Variants in RCC2 observed in about 807,000 individuals in gnomAD.
The protein encoded by RCC2 is regulator of chromosome condensation 2.
Under a neutral mutation model 64.1 loss-of-function variants are expected in RCC2, and 19 were observed. That is an observed-to-expected ratio of 0.30 (90% CI 0.21 to 0.44). The LOEUF (loss-of-function observed/expected upper bound fraction) is 0.44. Ranked by LOEUF, RCC2 falls within the 20% of genes least tolerant of loss-of-function variation. The probability of loss-of-function intolerance (pLI) is 1.00; values close to 1 mark genes in which losing one functional copy is unlikely to be tolerated. For missense variants in RCC2, 508 were observed against 710.4 expected, an observed-to-expected ratio of 0.72 and a Z score of 3.24; for synonymous variants, 325 against 279.6, an observed-to-expected ratio of 1.16 and a Z score of -1.62.
intron 8 of RCC2, among the ~76,000 whole-genome samples, chr1:17,415,443 T>C (rs1259791247): frequency 2.0e-5 from 3 of 152,200 alleles, no homozygotes; most frequent in African/African-American, 7.2e-5. Flanking sequence ...CCGGGCGCGG[T>C]GGCTCACACC....
intron 2 of RCC2, among the ~76,000 whole-genome samples, chr1:17,433,331 C>G (rs1174623726): frequency 6.6e-6 from 1 of 152,236 alleles, no homozygotes; most frequent in Non-Finnish European, 1.5e-5. Context: ...CCCAGCACCC[C>G]TTCTCACTTA....
chr1:17,415,831 G>A (rs956613808), intron 8 of RCC2, among the ~76,000 whole-genome samples: 12 of 151,910 alleles, frequency 7.9e-5, no homozygotes, highest in African/African-American at 2.7e-4. Context: ...CACTTTGAGA[G>A]GCCGAGGTGG....
chr1:17,426,457 C>T (rs926829101), intron 3 of RCC2, among the ~76,000 whole-genome samples: 1 of 152,158 alleles, frequency 6.6e-6, no homozygotes, highest in African/African-American at 2.4e-5. Context: ...AGCACCAGTT[C>T]GCCTCCTTGG....
Position 17,406,821 on chromosome 1 carries a change from A to T in RCC2, c.*2269T>A, listed in dbSNP as rs1256572859. On this transcript the variant is annotated 3_prime_UTR_variant, in exon 13 of 13. Transcript: ENST00000375436. ...ACTCCAAGAAATATATATATAAAAA[A>T]AATAATAAGACAATTACAGCACTAA... 2 of 152,208 alleles carry T rather than the reference A, an allele frequency of 1.3e-5. No individual in the cohort carries two copies. Among genetic ancestry groups the T allele is most frequent in the Non-Finnish European group, 2.9e-5 (2 of 68,038 alleles). The allele number at this position is 152,208 out of a possible 1,614,324, so 9.4% of individuals were successfully genotyped here.
chr1:17,432,570 A>G (rs949256692), intron 2 of RCC2, among the ~76,000 whole-genome samples: 2 of 152,178 alleles, frequency 1.3e-5, no homozygotes, highest in Non-Finnish European at 2.9e-5. Flanking sequence ...CTGAGATGCA[A>G]CCACTGCAGC....
chr1:17,435,219 T>C lies in RCC2; in HGVS notation c.285+3011A>G, dbSNP rs546098873. Among the ~76,000 whole-genome samples the C allele has an allele frequency of 1.2e-4, 19 of 152,354 alleles. 1 individual carries two copies. The South Asian group carries it at 3.9e-3, about 32-fold the overall frequency. On this transcript the variant is annotated intron_variant, in intron 2 of 12. Coordinates refer to ENST00000375436, the MANE Select transcript of RCC2 (RefSeq NM_018715.4). The stretch of plus-strand genomic sequence containing the variant: ...AGGCAATGACAACGCTCATCTGCCA[T>C]AAGAATGTTCTATAAAATGCACATC...
rs534727702 is a variant in RCC2 at position 17,414,631 on chromosome 1, C to T, written c.1027-914G>A. 6.9e-4 allele frequency among the ~76,000 whole-genome samples: 104 copies of T among 151,146 alleles called. 1 individual carries two copies. In the South Asian group the frequency reaches 0.017, roughly 24 times the overall value. On this transcript the variant is annotated intron_variant, in intron 8 of 12. Coordinates refer to ENST00000375436, the MANE Select transcript of RCC2 (RefSeq NM_018715.4). ...AAGGCCTACCTGTTCCTGGATTTTT[C>T]GTTTCTTTTCCCCCCCTCGAGAGGG...
chr1:17,431,499 CAAAA>C (rs558362245), intron 2 of RCC2, among the ~76,000 whole-genome samples: 8 of 57,904 alleles, frequency 1.4e-4, no homozygotes, highest in African/African-American at 5.2e-4. Flanking sequence ...AGCCCTGTCT[CAAAA>C]AAAAAAAAAA....
In RCC2 at chr1:17,409,075, G is replaced by A; in HGVS notation, c.*15C>T. The A allele has an allele frequency of 6.4e-7, 1 of 1,552,682 alleles. No homozygotes were observed. The highest frequency in any genetic ancestry group is 1.1e-5 in the South Asian group (1 of 89,828). ...TGCCGCGAGAGGTGTGGAGTCGGAG[G>A]AGTCTCCGGGAGCATCAGAGGGTTC... On this transcript the variant is annotated 3_prime_UTR_variant, in exon 13 of 13. Transcript: ENST00000375436.
chr1:17,416,089 G>C (rs1209214465), intron 8 of RCC2, among the ~76,000 whole-genome samples: 1 of 84,678 alleles, frequency 1.2e-5, no homozygotes, highest in Non-Finnish European at 2.2e-5. Context: ...GGGGGGGGGG[G>C]CGGGGGGGAC....
chr1:17,425,951 G>C (rs1013107781), intron 3 of RCC2, among the ~76,000 whole-genome samples: 1 of 152,150 alleles, frequency 6.6e-6, no homozygotes, highest in African/African-American at 2.4e-5. Context: ...TTCGGCCCCA[G>C]CCCCCTCTCT....
intron 11 of RCC2, among the ~76,000 whole-genome samples, chr1:17,410,702 C>G (rs1004806226): frequency 3.9e-5 from 6 of 152,090 alleles, no homozygotes; most frequent in Non-Finnish European, 7.4e-5. Context: ...CCCTCCCCAG[C>G]CCAGGCCTGC....
At chr1:17,411,422 A>G (rs999510154) in intron 11 of RCC2, among the ~76,000 whole-genome samples, 3 of 152,254 alleles carry the variant, frequency 2.0e-5, no homozygotes, top group African/African-American at 7.2e-5. Context: ...CCAAAAATAC[A>G]AAAATTAGCT....
intron 6 of RCC2, 56 bp from the exon 7 acceptor site, chr1:17,420,884 T>C: frequency 8.8e-7 from 1 of 1,140,168 alleles, no homozygotes; most frequent in South Asian, 1.4e-5. Context: ...AAAAAGCCTC[T>C]ACCTCTCTGC....
At chr1:17,421,638 C>CT (rs1166585098) in intron 6 of RCC2, among the ~76,000 whole-genome samples, 3 of 152,120 alleles carry the variant, frequency 2.0e-5, no homozygotes, top group Non-Finnish European at 2.9e-5. Context: ...ACAGAACAGG[C>CT]TTACGACAAG....
At chr1:17,430,714 G>A (rs1013934380) in intron 2 of RCC2, among the ~76,000 whole-genome samples, 21 of 151,932 alleles carry the variant, frequency 1.4e-4, no homozygotes, top group Non-Finnish European at 2.2e-4. Context: ...CTTGAACCCG[G>A]GAGGCGGAGG....
At chr1:17,430,224 GAA>G (rs1416869068) in intron 2 of RCC2, among the ~76,000 whole-genome samples, 1 of 152,132 alleles carries the variant, frequency 6.6e-6, no homozygotes, top group Non-Finnish European at 1.5e-5. Flanking sequence ...AAGGCTTCAG[GAA>G]AAAAGTCTGG....
At position 17,438,475 on chromosome 1, in the gene RCC2, G is replaced by A; in HGVS notation, c.40C>T (p.Pro14Ser). 7.5e-7 allele frequency: 1 copy of A among 1,340,976 alleles called. No individual in the cohort carries two copies. Among genetic ancestry groups the A allele is most frequent in the Non-Finnish European group, 9.5e-7 (1 of 1,050,278 alleles). The allele number at this position is 1,340,976 out of a possible 1,614,324, so 83.1% of individuals were successfully genotyped here. The change falls in exon 2 of 13, where the codon CCG becomes TCG. Residue 14 changes from proline (P) to serine (S), a missense_variant. This residue lies in a region of RCC2 where 195 missense variants were observed against 158.3 expected (regional missense o/e 1.23). Transcript: ENST00000375436. ...KKAAAAAWEE[P>S]SSGNGTARAG... ...CGGGCAGTGCCGTTGCCCGAGCTCG[G>A]CTCCTCCCAGGCCGCCGCCGCCGCC...
chr1:17,429,541 C>T (rs762988414), intron 2 of RCC2, among the ~76,000 whole-genome samples: 4 of 152,150 alleles, frequency 2.6e-5, no homozygotes, highest in Non-Finnish European at 5.9e-5. Context: ...GGAAGCCTGC[C>T]GGACACTCAG....
Sources: gnomAD v4.1 joint callset for allele counts (sites outside exome capture counted in the v4.1 genomes callset) on GRCh38, gnomAD v4.1.1 for gene constraint, gnomAD v4.1.1 regional missense constraint, MANE v1.5 for transcripts, NCBI Gene and HGNC (gene_info 2026-07-23, HGNC 2026-07-21) for gene names.